C12orf42: variants seen among roughly 807,000 people sequenced by gnomAD.
C12orf42 encodes the protein uncharacterized protein C12orf42.
A neutral mutation model predicts 21.6 loss-of-function variants in C12orf42; 25 were observed. That is an observed-to-expected ratio of 1.16 (90% CI 0.84 to 1.62). The LOEUF is 1.62. Ranked by LOEUF, C12orf42 falls within the 40% of genes most tolerant of loss-of-function variation. The pLI is 0.00. For synonymous variants in C12orf42, 174 were observed against 175.0 expected, an observed-to-expected ratio of 0.99 and a Z score of 0.05; for missense variants, 483 against 459.3, an observed-to-expected ratio of 1.05 and a Z score of -0.47.
chr12:103,057,610 A>G, the C12orf42 span, among the ~76,000 whole-genome samples: 1 of 152,124 alleles, frequency 6.6e-6, no homozygotes, highest in Admixed American at 6.5e-5. Flanking sequence ...ATTGATGGGC[A>G]TTTGGGTTGG....
At chr12:103,206,510 CT>C in the C12orf42 span, among the ~76,000 whole-genome samples, 2 of 117,276 alleles carry the variant, frequency 1.7e-5, no homozygotes, top group Non-Finnish European at 3.9e-5. Flanking sequence ...TTTTTTGGAC[CT>C]TTTCTATATT....
intron 4 of C12orf42, among the ~76,000 whole-genome samples, chr12:103,356,690 T>C (rs1455964540): frequency 6.6e-6 from 1 of 151,794 alleles, no homozygotes; most frequent in Non-Finnish European, 1.5e-5. Context: ...GCACCTGTTG[T>C]TTCCTGACTT....
intron 3 of C12orf42, among the ~76,000 whole-genome samples, chr12:103,372,507 C>T (rs541835556): frequency 7.9e-5 from 12 of 152,272 alleles, no homozygotes; most frequent in Non-Finnish European, 1.0e-4. Context: ...GCATCACCAA[C>T]GTTACCTGGG....
At chr12:103,522,345 C>T in the C12orf42 span, among the ~76,000 whole-genome samples, 1 of 152,174 alleles carries the variant, frequency 6.6e-6, no homozygotes, top group Non-Finnish European at 1.5e-5. Flanking sequence ...AAGCTCTTTC[C>T]TTTACAAATT....
At chr12:103,542,479 G>T in the C12orf42 span, among the ~76,000 whole-genome samples, 3 of 152,260 alleles carry the variant, frequency 2.0e-5, no homozygotes, top group Non-Finnish European at 4.4e-5. Context: ...TTTAAAGACA[G>T]AAGTCTTGCC....
the C12orf42 span, among the ~76,000 whole-genome samples, chr12:103,501,624 T>C: frequency 1.3e-5 from 2 of 152,200 alleles, no homozygotes; most frequent in Non-Finnish European, 2.9e-5. Context: ...TGTTAAATTG[T>C]CCAGACTGTG....
intron 4 of C12orf42, among the ~76,000 whole-genome samples, chr12:103,359,436 T>C (rs2043885690): frequency 6.6e-6 from 1 of 152,048 alleles, no homozygotes; most frequent in Admixed American, 6.6e-5. Flanking sequence ...AGCTGACAAA[T>C]AAACAAACTG....
chr12:103,171,551 G>A, the C12orf42 span, among the ~76,000 whole-genome samples: 1 of 152,068 alleles, frequency 6.6e-6, no homozygotes, highest in African/African-American at 2.4e-5. Flanking sequence ...GAGTTAAAGA[G>A]TACACCAAGA....
chr12:103,230,004 A>G, the C12orf42 span, among the ~76,000 whole-genome samples: 1 of 152,258 alleles, frequency 6.6e-6, no homozygotes, highest in Non-Finnish European at 1.5e-5. Flanking sequence ...ATAAAGTTTG[A>G]GTTTATTGAA....
At chr12:103,376,754 T>C (rs1362788248) in intron 3 of C12orf42, among the ~76,000 whole-genome samples, 1 of 152,136 alleles carries the variant, frequency 6.6e-6, no homozygotes, top group African/African-American at 2.4e-5. Flanking sequence ...TAACAAAGTG[T>C]CTTAGTGTGG....
intron 5 of C12orf42, among the ~76,000 whole-genome samples, chr12:103,276,014 A>G (rs1310141258): frequency 6.6e-6 from 1 of 152,182 alleles, no homozygotes. Flanking sequence ...TCAAGGTTAC[A>G]GTGAGCTATG....
At chr12:103,423,636 T>C (rs1162033420) in intron 2 of C12orf42, among the ~76,000 whole-genome samples, 3 of 152,236 alleles carry the variant, frequency 2.0e-5, no homozygotes, top group Admixed American at 1.3e-4. Flanking sequence ...GGGTAACATT[T>C]GCAGCATTCC....
chr12:103,169,654 A>G, the C12orf42 span, among the ~76,000 whole-genome samples: 7 of 152,312 alleles, frequency 4.6e-5, no homozygotes, highest in South Asian at 1.4e-3. Context: ...ATGCTACTAC[A>G]GTGTTATAGT....
chr12:103,495,388 C>T (rs1237775912), intron 1 of C12orf42, among the ~76,000 whole-genome samples: 2 of 152,060 alleles, frequency 1.3e-5, no homozygotes, highest in African/African-American at 2.4e-5. Context: ...TGCCCTCCAC[C>T]GCCCCCAACC....
chr12:103,550,268 T>A, the C12orf42 span, among the ~76,000 whole-genome samples: 1 of 152,138 alleles, frequency 6.6e-6, no homozygotes, highest in African/African-American at 2.4e-5. Context: ...TATATTCACT[T>A]AATTCAGAAT....
chr12:103,549,249 G>A, the C12orf42 span, among the ~76,000 whole-genome samples: 1 of 152,024 alleles, frequency 6.6e-6, no homozygotes, highest in Non-Finnish European at 1.5e-5. Context: ...GGTTTGGTTT[G>A]TTATTTTTTT....
chr12:103,303,477 CT>C (rs2037955981), intron 5 of C12orf42, among the ~76,000 whole-genome samples: 1 of 152,098 alleles, frequency 6.6e-6, no homozygotes, highest in Admixed American at 6.5e-5. Context: ...AATGTATGTG[CT>C]TTAAATCACT....
At chr12:103,424,954 C>A (rs1045581720) in intron 2 of C12orf42, among the ~76,000 whole-genome samples, 1 of 152,160 alleles carries the variant, frequency 6.6e-6, no homozygotes, top group African/African-American at 2.4e-5. Flanking sequence ...TTCTCACTGC[C>A]AGCACAGCAG....
At chr12:103,324,900 A>C (rs983779318) in intron 4 of C12orf42, among the ~76,000 whole-genome samples, 15 of 152,250 alleles carry the variant, frequency 9.9e-5, no homozygotes, top group Non-Finnish European at 2.9e-5. Context: ...ATTGGTGTTG[A>C]ACTATTTCAA....
Sources: allele counts gnomAD v4.1 joint callset (sites outside exome capture counted in the v4.1 genomes callset), GRCh38; gene constraint gnomAD v4.1.1; transcripts MANE v1.5; gene names NCBI Gene and HGNC (gene_info 2026-07-23, HGNC 2026-07-21).